WDPCP: variants seen among roughly 807,000 people sequenced by gnomAD.
WDPCP encodes the protein WD repeat-containing and planar cell polarity effector protein fritz homolog.
A neutral mutation model predicts 93.1 loss-of-function variants in WDPCP; 71 were observed. The ratio of observed to expected loss-of-function variants is 0.76; its 90% CI spans 0.63 to 0.93. The LOEUF (loss-of-function observed/expected upper bound fraction) is 0.93, where lower values mean the gene tolerates loss of function less well. Among genes scored for constraint, WDPCP ranks in the 40% least tolerant of loss-of-function variants. WDPCP has a pLI of 0.00. For synonymous variants in WDPCP, 315 were observed against 315.0 expected (o/e 1.00, Z 0.00); for missense variants, 844 against 887.4 (o/e 0.95, Z 0.62).
intron 17 of WDPCP, 137 bp downstream of exon 17, chr2:63,152,777 A>G: frequency 1.4e-6 from 1 of 739,832 alleles, no homozygotes; most frequent in Non-Finnish European, 2.3e-6. Flanking sequence ...TAGTTAATAT[A>G]GACCAGTTAA....
chr2:63,227,551 T>TA (rs1301414238), intron 14 of WDPCP, among the ~76,000 whole-genome samples: 1 of 151,918 alleles, frequency 6.6e-6, no homozygotes, highest in Non-Finnish European at 1.5e-5. Context: ...ATTATGGTGG[T>TA]AAAAAATATG....
chr2:63,589,584 C>T (rs1427571316), upstream of WDPCP, among the ~76,000 whole-genome samples: 1 of 152,186 alleles, frequency 6.6e-6, no homozygotes, highest in East Asian at 1.9e-4. Flanking sequence ...TTATTTGGAA[C>T]CCGTTCATTG....
chr2:63,809,268 C>A (rs1464952932), intron 2 of WDPCP, among the ~76,000 whole-genome samples: 2 of 149,164 alleles, frequency 1.3e-5, no homozygotes, highest in Non-Finnish European at 3.0e-5. Flanking sequence ...CCCAGCCAGC[C>A]GCCCCATCCG....
intron 12 of WDPCP, among the ~76,000 whole-genome samples, chr2:63,336,724 T>C (rs1312799923): frequency 6.6e-6 from 1 of 152,050 alleles, no homozygotes; most frequent in Non-Finnish European, 1.5e-5. Flanking sequence ...CTTTTTTTAA[T>C]TTAATTTTTA....
chr2:63,135,570 G>T (rs758055527), intron 17 of WDPCP, among the ~76,000 whole-genome samples: 2 of 152,118 alleles, frequency 1.3e-5, no homozygotes, highest in Non-Finnish European at 2.9e-5. Flanking sequence ...AACCTCAGGT[G>T]ATCCATCCAC....
chr2:63,339,242 C>T (rs1688668088), intron 12 of WDPCP, among the ~76,000 whole-genome samples: 1 of 152,056 alleles, frequency 6.6e-6, no homozygotes, highest in Non-Finnish European at 1.5e-5. Flanking sequence ...GGTGCAATCT[C>T]AGCTCACTTC....
At chr2:63,593,732 C>T (rs748744673), upstream of WDPCP, 18 of 469,240 alleles carry the variant, frequency 3.8e-5, no homozygotes, top group African/African-American at 6.0e-5. Flanking sequence ...CTACCCATTA[C>T]GTTTCTAAAC....
intron 2 of WDPCP, chr2:63,717,832 C>T: frequency 8.5e-6 from 2 of 235,938 alleles, no homozygotes; most frequent in South Asian, 5.2e-5. Context: ...TGAAGGCGAG[C>T]CCGAGGCCTC....
At chr2:63,335,757 G>T (rs1186507816) in intron 12 of WDPCP, among the ~76,000 whole-genome samples, 1 of 152,174 alleles carries the variant, frequency 6.6e-6, no homozygotes, top group Admixed American at 6.5e-5. Flanking sequence ...GGGTAAAAAT[G>T]AGGCTGAAAC....
intron 12 of WDPCP, among the ~76,000 whole-genome samples, chr2:63,337,636 AT>A (rs1372264524): frequency 6.6e-6 from 1 of 152,162 alleles, no homozygotes; most frequent in African/African-American, 2.4e-5. Context: ...GTGTATAAGA[AT>A]TCCCCTTTAT....
chr2:63,381,816 A>G, intron 11 of WDPCP, 90 bp downstream of exon 11: 2 of 1,361,540 alleles, frequency 1.5e-6, no homozygotes, highest in Admixed American at 1.9e-5. Context: ...CTCCAATACC[A>G]TGACTCAAAA....
At chr2:63,622,860 G>C in intron 3 of WDPCP, 1 of 1,570,388 alleles carries the variant, frequency 6.4e-7, no homozygotes, top group Non-Finnish European at 8.7e-7. Context: ...CTCAGCACCC[G>C]CGCAGCATCA....
At chr2:63,388,735 A>G (rs2090480) in intron 10 of WDPCP, among the ~76,000 whole-genome samples, 85,733 of 152,006 alleles carry the variant, frequency 0.56, 24,519 homozygotes, top group Admixed American at 0.64. Context: ...CCATGGCACG[A>G]GAACTTTGTG....
At chr2:63,151,521 A>ATGTTGT (rs970630224) in intron 17 of WDPCP, among the ~76,000 whole-genome samples, 7 of 152,148 alleles carry the variant, frequency 4.6e-5, no homozygotes, top group African/African-American at 1.7e-4. Flanking sequence ...CCTGGCCAGG[A>ATGTTGT]TGTTGTTGTT....
intron 17 of WDPCP, among the ~76,000 whole-genome samples, chr2:63,148,604 A>T (rs557976689): frequency 0.02 from 3,019 of 150,976 alleles, 106 homozygotes; most frequent in African/African-American, 0.07. Flanking sequence ...TCCACCCACT[A>T]CCCAAAGTGC....
intron 10 of WDPCP, among the ~76,000 whole-genome samples, chr2:63,388,625 C>A (rs767579196): frequency 8.5e-5 from 13 of 152,104 alleles, no homozygotes; most frequent in Non-Finnish European, 1.9e-4. Flanking sequence ...ATGTTCAAAC[C>A]CATCACGAGG....
chr2:63,603,365 T>C (rs927893009), intron 3 of WDPCP, among the ~76,000 whole-genome samples: 1 of 152,232 alleles, frequency 6.6e-6, no homozygotes, highest in Non-Finnish European at 1.5e-5. Flanking sequence ...TCTTACATGG[T>C]AAATACTCAA....
intron 4 of WDPCP, among the ~76,000 whole-genome samples, chr2:63,485,792 T>G (rs561613595): frequency 6.6e-6 from 1 of 151,922 alleles, no homozygotes; most frequent in South Asian, 2.1e-4. Flanking sequence ...ATATGTGTAT[T>G]TGTGCTTACA....
intron 2 of WDPCP, among the ~76,000 whole-genome samples, chr2:63,698,751 G>A (rs1281373603): frequency 6.6e-6 from 1 of 152,172 alleles, no homozygotes; most frequent in African/African-American, 2.4e-5. Context: ...AAAAGAGGGA[G>A]GGGGGAATAA....
Sources: gnomAD v4.1 joint callset for allele counts (sites outside exome capture counted in the v4.1 genomes callset) on GRCh38, gnomAD v4.1.1 for gene constraint, MANE v1.5 for transcripts, NCBI Gene and HGNC (gene_info 2026-07-23, HGNC 2026-07-21) for gene names.